The following LARGE1 variants were observed in gnomAD, a reference collection of about 807,000 sequenced individuals.
The protein encoded by LARGE1 is LARGE xylosyl- and glucuronyltransferase 1.
In LARGE1, 43 loss-of-function variants were observed where a neutral mutation model predicts 87.6. That is an observed-to-expected ratio of 0.49 (90% CI 0.38 to 0.63). The LOEUF is 0.63. LARGE1 is among the 30% of genes least tolerant of loss of function. The pLI, the probability that LARGE1 is intolerant of heterozygous loss-of-function variation, is 0.00. For missense variants in LARGE1, 802 were observed against 1,000.2 expected (o/e 0.80, Z 2.67); for synonymous variants, 434 against 394.6 (o/e 1.10, Z -1.18).
At chr22:33,636,428 T>C (rs2080269410) in intron 3 of LARGE1, among the ~76,000 whole-genome samples, 1 of 152,312 alleles carries the variant, frequency 6.6e-6, no homozygotes, top group East Asian at 1.9e-4. Flanking sequence ...CATTCTAGAT[T>C]GCTCTGACCC....
intron 11 of LARGE1, among the ~76,000 whole-genome samples, chr22:33,181,963 C>A (rs112691050): frequency 2.0e-5 from 3 of 151,220 alleles, no homozygotes; most frequent in African/African-American, 7.3e-5. Context: ...GCTGGGATTA[C>A]AGTTGGATGC....
At chr22:33,789,007 G>A (rs1159033879) in intron 1 of LARGE1, among the ~76,000 whole-genome samples, 6 of 152,200 alleles carry the variant, frequency 3.9e-5, no homozygotes. Context: ...CCTAAGTAAT[G>A]AGGAGCCAAA....
At chr22:33,593,680 A>T (rs2078905294) in intron 5 of LARGE1, among the ~76,000 whole-genome samples, 1 of 152,232 alleles carries the variant, frequency 6.6e-6, no homozygotes, top group African/African-American at 2.4e-5. Context: ...TATATACCAG[A>T]TTTCAAAGAC....
intron 2 of LARGE1, among the ~76,000 whole-genome samples, chr22:33,684,270 C>T (rs181012957): frequency 2.6e-5 from 4 of 152,166 alleles, no homozygotes; most frequent in Admixed American, 6.5e-5. Flanking sequence ...CTCCCCACCA[C>T]CAACACCTTG....
rs111466287 is a variant in LARGE1, at chr22:33,389,768, C to T, written c.893-5464G>A. ...GCTGAGGCAGGAGAATCACTTGAAC[C>T]TGGGAAGCACAGGTTGCAGTGAGCC... On this transcript the variant is annotated intron_variant, in intron 7 of 14. Transcript: ENST00000397394. 5.3e-3 allele frequency among the ~76,000 whole-genome samples: 810 copies of T among 152,228 alleles called. 7 individuals are homozygous for T. The highest frequency in any genetic ancestry group is 0.031 in the South Asian group (149 of 4,818).
At chr22:33,697,742 A>C (rs993816596) in intron 2 of LARGE1, among the ~76,000 whole-genome samples, 13 of 152,148 alleles carry the variant, frequency 8.5e-5, no homozygotes, top group Admixed American at 7.9e-4. Context: ...TCTTCAAAGA[A>C]GAAAGAGTTG....
At chr22:33,727,659 G>A (rs2083311297) in intron 2 of LARGE1, 1 of 152,182 alleles carries the variant, frequency 6.6e-6, no homozygotes, top group Admixed American at 6.5e-5. Flanking sequence ...TCTTGGTCTG[G>A]AAAGTATTAT....
rs182211597 is a variant in LARGE1 at position 33,506,134 on chromosome 22, T to C, written c.787+58714A>G. Among the ~76,000 whole-genome samples, 569 of 152,144 alleles carry C rather than the reference T, an allele frequency of 3.7e-3. 1 individual carries two copies. Among genetic ancestry groups the C allele is most frequent in the Non-Finnish European group, 6.6e-3 (449 of 67,994 alleles). ...CCCTGAAGGGAAGAATGGGGCCTCA[T>C]TTCAAGGGCCTCATTTCAAACCTTC... On this transcript the variant is annotated intron_variant, in intron 6 of 14. Coordinates refer to ENST00000397394, the MANE Select transcript of LARGE1 (RefSeq NM_133642.5).
chr22:33,558,230 C>T (rs944302526), intron 6 of LARGE1, among the ~76,000 whole-genome samples: 1 of 152,140 alleles, frequency 6.6e-6, no homozygotes, highest in South Asian at 2.1e-4. Flanking sequence ...ATCTGACTGG[C>T]ATAAGGTCAT....
At chr22:33,387,085 C>G (rs1212660078) in intron 7 of LARGE1, among the ~76,000 whole-genome samples, 1 of 146,750 alleles carries the variant, frequency 6.8e-6, no homozygotes, top group African/African-American at 2.5e-5. Context: ...GCCTAGGTAA[C>G]TGAGCAAGAC....
chr22:33,844,050 G>C (rs910712391), intron 1 of LARGE1, among the ~76,000 whole-genome samples: 6 of 137,262 alleles, frequency 4.4e-5, no homozygotes, highest in African/African-American at 1.8e-4. Context: ...CTGCACTCCA[G>C]CCTGGGTGAC....
chr22:33,366,770 G>A (rs571220659), intron 9 of LARGE1, among the ~76,000 whole-genome samples: 8 of 152,064 alleles, frequency 5.3e-5, no homozygotes, highest in Non-Finnish European at 1.2e-4. Flanking sequence ...TTTCAGTCTC[G>A]AGTATGTCTT....
At chr22:33,428,576 G>A (rs1314742066) in intron 7 of LARGE1, among the ~76,000 whole-genome samples, 1 of 149,228 alleles carries the variant, frequency 6.7e-6, no homozygotes, top group Non-Finnish European at 1.5e-5. Context: ...GCCTCCCAAA[G>A]TGCTGAGATT....
At chr22:33,398,583 T>G (rs148775503) in intron 7 of LARGE1, among the ~76,000 whole-genome samples, 1 of 152,208 alleles carries the variant, frequency 6.6e-6, no homozygotes, top group South Asian at 2.1e-4. Context: ...AATAAAAAGT[T>G]GAGGAAAAGT....
At chr22:33,338,237 TC>T (rs1197627517) in intron 9 of LARGE1, among the ~76,000 whole-genome samples, 1 of 152,132 alleles carries the variant, frequency 6.6e-6, no homozygotes, top group Non-Finnish European at 1.5e-5. Context: ...AGGCGCTTGC[TC>T]CTCCTGTTGC....
chr22:33,289,297 C>T (rs1402720147), intron 12 of LARGE1, among the ~76,000 whole-genome samples: 1 of 152,132 alleles, frequency 6.6e-6, no homozygotes, highest in Non-Finnish European at 1.5e-5. Context: ...TAACTCAGAA[C>T]CTTGCTGATA....
At chr22:33,791,282 A>T (rs919439711) in intron 1 of LARGE1, among the ~76,000 whole-genome samples, 2 of 152,216 alleles carry the variant, frequency 1.3e-5, no homozygotes, top group African/African-American at 4.8e-5. Context: ...TGGCCAAAAA[A>T]ATTAAAAAAG....
intron 1 of LARGE1, among the ~76,000 whole-genome samples, chr22:33,861,001 A>G (rs1385751919): frequency 6.6e-6 from 1 of 152,162 alleles, no homozygotes; most frequent in Non-Finnish European, 1.5e-5. Flanking sequence ...CACTGTCGCT[A>G]GAGAGATTTC....
chr22:33,699,997 T>A (rs769663093), intron 2 of LARGE1, among the ~76,000 whole-genome samples: 1 of 152,246 alleles, frequency 6.6e-6, no homozygotes, highest in East Asian at 1.9e-4. Flanking sequence ...CAGGTTCCGA[T>A]GCAACCACTG....
Sources: allele counts gnomAD v4.1 joint callset (sites outside exome capture counted in the v4.1 genomes callset), GRCh38; gene constraint gnomAD v4.1.1; transcripts MANE v1.5; gene names NCBI Gene and HGNC (gene_info 2026-07-23, HGNC 2026-07-21).